Variants in F13A1 observed in about 807,000 individuals in gnomAD.
F13A1 encodes the protein FSF, A subunit.
Under a neutral mutation model 80.1 loss-of-function variants are expected in F13A1, and 47 were observed. That is an observed-to-expected ratio of 0.59 (90% CI 0.46 to 0.75). The LOEUF (loss-of-function observed/expected upper bound fraction) is 0.75. Among genes scored for constraint, F13A1 ranks in the 30% least tolerant of loss-of-function variants. F13A1 has a pLI of 0.00. For missense variants in F13A1, 817 were observed against 930.4 expected, an observed-to-expected ratio of 0.88 and a Z score of 1.59; for synonymous variants, 349 against 344.9, an observed-to-expected ratio of 1.01 and a Z score of -0.13.
intron 3 of F13A1, among the ~76,000 whole-genome samples, chr6:6,280,152 T>C (rs2113141661): frequency 6.6e-6 from 1 of 152,352 alleles, no homozygotes; most frequent in East Asian, 1.9e-4. Context: ...ACATACTCAA[T>C]AAACATTTAT....
chr6:6,308,116 C>T (rs890005793), intron 2 of F13A1, among the ~76,000 whole-genome samples: 2 of 152,030 alleles, frequency 1.3e-5, no homozygotes, highest in African/African-American at 4.8e-5. Flanking sequence ...TGGGTTCAAG[C>T]AATCCTCCCC....
chr6:6,206,613 C>G (rs182738056), intron 8 of F13A1: 1 of 506,470 alleles, frequency 2.0e-6, no homozygotes, highest in South Asian at 1.5e-5. Flanking sequence ...CTGAGAGGAA[C>G]GGGAGGAGAG....
chr6:6,186,601 T>A (rs1296801980), intron 10 of F13A1, among the ~76,000 whole-genome samples: 1 of 152,240 alleles, frequency 6.6e-6, no homozygotes, highest in Non-Finnish European at 1.5e-5. Flanking sequence ...TTGGTACCAG[T>A]ACCATGCTGT....
chr6:6,194,538 C>T (rs1270152151), intron 10 of F13A1, among the ~76,000 whole-genome samples: 3 of 152,196 alleles, frequency 2.0e-5, no homozygotes, highest in Admixed American at 1.3e-4. Flanking sequence ...TCCCAGGTCG[C>T]CCTTCCTTCC....
chr6:6,300,915 T>C (rs1758420186), intron 3 of F13A1, among the ~76,000 whole-genome samples: 1 of 152,226 alleles, frequency 6.6e-6, no homozygotes, highest in South Asian at 2.1e-4. Flanking sequence ...AAACGTTAGC[T>C]AAAATGGATC....
At chr6:6,220,028 G>T (rs1757168982) in intron 8 of F13A1, among the ~76,000 whole-genome samples, 1 of 152,182 alleles carries the variant, frequency 6.6e-6, no homozygotes, top group African/African-American at 2.4e-5. Flanking sequence ...GTTGTGCCTT[G>T]CCCAAAGTCA....
intron 11 of F13A1, among the ~76,000 whole-genome samples, chr6:6,181,364 C>T (rs928495898): frequency 1.1e-4 from 16 of 152,288 alleles, no homozygotes; most frequent in South Asian, 4.1e-4. Flanking sequence ...AGGCATAGAG[C>T]GGACACTAAG....
chr6:6,205,066 A>T (rs1171012084), intron 8 of F13A1, among the ~76,000 whole-genome samples: 4 of 152,254 alleles, frequency 2.6e-5, no homozygotes, highest in African/African-American at 9.6e-5. Flanking sequence ...GGAGGGCGCC[A>T]TGGGCATCCC....
intron 11 of F13A1, among the ~76,000 whole-genome samples, chr6:6,179,017 C>A (rs565970459): frequency 1.1e-4 from 17 of 152,150 alleles, no homozygotes; most frequent in Non-Finnish European, 1.0e-4. Context: ...GTCCAGGCAG[C>A]GCTCCAGGAC....
At chr6:6,156,101 G>A (rs965828542) in intron 13 of F13A1, among the ~76,000 whole-genome samples, 3 of 152,138 alleles carry the variant, frequency 2.0e-5, no homozygotes, top group Non-Finnish European at 4.4e-5. Flanking sequence ...GACGTCAAAT[G>A]CTTTTGCATA....
At chr6:6,176,327 C>T (rs1374198937) in intron 11 of F13A1, among the ~76,000 whole-genome samples, 1 of 152,166 alleles carries the variant, frequency 6.6e-6, no homozygotes, top group Non-Finnish European at 1.5e-5. Flanking sequence ...CAAGCACTGG[C>T]ATAAGTGCTT....
At chr6:6,279,431 G>C (rs1055126995) in intron 3 of F13A1, among the ~76,000 whole-genome samples, 1 of 152,128 alleles carries the variant, frequency 6.6e-6, no homozygotes, top group Non-Finnish European at 1.5e-5. Context: ...GACCCCAACT[G>C]TTATGCAATT....
chr6:6,224,188 T>C (rs3024403), intron 7 of F13A1, among the ~76,000 whole-genome samples: 4,309 of 152,238 alleles, frequency 0.028, 152 homozygotes, highest in African/African-American at 0.08. Flanking sequence ...TGTGGAAAAA[T>C]GAATATGAGA....
chr6:6,228,438 TA>T (rs1757306303), intron 6 of F13A1, among the ~76,000 whole-genome samples: 1 of 152,074 alleles, frequency 6.6e-6, no homozygotes, highest in Non-Finnish European at 1.5e-5. Flanking sequence ...TAGAAAGTAA[TA>T]AATATAATCA....
chr6:6,289,343 G>A (rs1433111493), intron 3 of F13A1, among the ~76,000 whole-genome samples: 1 of 152,048 alleles, frequency 6.6e-6, no homozygotes, highest in Non-Finnish European at 1.5e-5. Context: ...CCTACAAATG[G>A]CAGAGGGCCA....
intron 8 of F13A1, among the ~76,000 whole-genome samples, chr6:6,204,876 T>G (rs1040845677): frequency 1.3e-5 from 2 of 152,196 alleles, no homozygotes; most frequent in Non-Finnish European, 2.9e-5. Context: ...GGCATTTGGA[T>G]GTTAACTGGC....
At chr6:6,209,881 G>C (rs138762514) in intron 8 of F13A1, among the ~76,000 whole-genome samples, 1 of 152,238 alleles carries the variant, frequency 6.6e-6, no homozygotes, top group Non-Finnish European at 1.5e-5. Context: ...GCAGAGGGGA[G>C]AGAAAATGTT....
At chr6:6,311,867 C>G (rs1758606292) in intron 2 of F13A1, among the ~76,000 whole-genome samples, 1 of 144,504 alleles carries the variant, frequency 6.9e-6, no homozygotes, top group Non-Finnish European at 1.5e-5. Flanking sequence ...TTTGTTTTCA[C>G]TATGAAAAAA....
chr6:6,276,790 C>T (rs913073404), intron 3 of F13A1, among the ~76,000 whole-genome samples: 1 of 152,122 alleles, frequency 6.6e-6, no homozygotes, highest in African/African-American at 2.4e-5. Flanking sequence ...ATAAACTGAA[C>T]AAATTATTAT....
Sources: allele counts gnomAD v4.1 joint callset (sites outside exome capture counted in the v4.1 genomes callset), GRCh38; gene constraint gnomAD v4.1.1; transcripts MANE v1.5; gene names NCBI Gene and HGNC (gene_info 2026-07-23, HGNC 2026-07-21).